The following COL24A1 variants were observed in gnomAD, a reference collection of about 807,000 sequenced individuals.
The protein encoded by COL24A1 is collagen alpha-1(XXIV) chain.
A neutral mutation model predicts 253.9 loss-of-function variants in COL24A1; 224 were observed. The ratio of observed to expected loss-of-function variants is 0.88; its 90% CI spans 0.79 to 0.99. The LOEUF is 0.99. Ranked by LOEUF, COL24A1 falls within the 50% of genes least tolerant of loss-of-function variation. The pLI is 0.00. For missense variants in COL24A1, 2,131 were observed against 2,068.5 expected, an observed-to-expected ratio of 1.03 and a Z score of -0.59; for synonymous variants, 685 against 673.7, an observed-to-expected ratio of 1.02 and a Z score of -0.26.
chr1:85,730,516 C>G lies in COL24A1; in HGVS notation c.*30G>C, dbSNP rs768296447. The G allele has an allele frequency of 2.5e-6, 4 of 1,608,514 alleles. No homozygotes were observed. The South Asian group carries it at 4.4e-5, about 18-fold the overall frequency. Reference sequence around the variant, plus strand: ...CCCTCTGCAGCAATTACCTGGCCAACAGCCTGAATTCGGAACTAATTCAGA... The same window carrying G: ...CCCTCTGCAGCAATTACCTGGCCAAGAGCCTGAATTCGGAACTAATTCAGA... On this transcript the variant is annotated 3_prime_UTR_variant, in exon 60 of 60. Coordinates refer to ENST00000370571, the MANE Select transcript of COL24A1 (RefSeq NM_152890.7).
chr1:85,781,283 T>A lies in COL24A1; in HGVS notation c.4285-10A>T. The A allele has an allele frequency of 6.3e-7, 1 of 1,587,136 alleles. No homozygotes were observed. ...GGGGACCAGTGTTTCCCTGTTGAGGTAAAAGAAAAACAGTCTCACTGTTAG... is the reference window on the plus strand; with the variant it reads ...GGGGACCAGTGTTTCCCTGTTGAGGAAAAAGAAAAACAGTCTCACTGTTAG... On this transcript the variant is annotated splice_polypyrimidine_tract_variant and intron_variant, in intron 51 of 59. Coordinates refer to ENST00000370571, the MANE Select transcript of COL24A1 (RefSeq NM_152890.7).
intron 39 of COL24A1, among the ~76,000 whole-genome samples, chr1:85,844,624 T>A (rs1027080877): frequency 9.2e-5 from 14 of 151,376 alleles, no homozygotes; most frequent in Non-Finnish European, 2.1e-4. Context: ...CCGCAAAGAG[T>A]AAACACGATA....
intron 59 of COL24A1, among the ~76,000 whole-genome samples, chr1:85,734,046 G>A (rs751401269): frequency 6.0e-5 from 9 of 151,194 alleles, no homozygotes; most frequent in Non-Finnish European, 1.2e-4. Context: ...GGGATCACAG[G>A]TACCTGCCAC....
chr1:86,043,177 T>C (rs1429870174), intron 12 of COL24A1, among the ~76,000 whole-genome samples: 2 of 152,168 alleles, frequency 1.3e-5, no homozygotes. Flanking sequence ...AAATATCTAC[T>C]ATTGTTCTAT....
rs192556414 is a variant in COL24A1 at position 85,879,770 on chromosome 1, T to C, written c.2977-2595A>G. Among the ~76,000 whole-genome samples, 417 of 152,290 alleles carry C rather than the reference T, an allele frequency of 2.7e-3. 2 individuals carry two copies. The highest frequency in any genetic ancestry group is 9.5e-3 in the African/African-American group (396 of 41,566). ...CTCATTGTCTCCATGCTGAGTAGGC[T>C]GAGGAGGTGGAAGAAGGGAAGGGGT... On this transcript the variant is annotated intron_variant, in intron 32 of 59. Transcript: ENST00000370571.
rs55797625 is a variant in COL24A1 at position 86,125,761 on chromosome 1, G to C, written c.575C>G (p.Pro192Arg). ...GKKYFSTETI[P>R]EVQTFDSNSV... Reference sequence around the variant, plus strand: ...ATTAGAATCAAAGGTCTGAACTTCTGGAATAGTCTCTGTGCTAAAATATTT... The same window carrying C: ...ATTAGAATCAAAGGTCTGAACTTCTCGAATAGTCTCTGTGCTAAAATATTT... Residue 192 changes from proline to arginine, a missense_variant, in exon 3 of 60, where the codon CCA becomes CGA. Coordinates refer to ENST00000370571, the MANE Select transcript of COL24A1 (RefSeq NM_152890.7). The C allele has an allele frequency of 1.2e-6, 2 of 1,611,808 alleles. No individual in the cohort carries two copies. Among genetic ancestry groups the C allele is most frequent in the Non-Finnish European group, 1.7e-6 (2 of 1,179,236 alleles).
intron 24 of COL24A1, among the ~76,000 whole-genome samples, chr1:85,919,363 G>A (rs1686220690): frequency 6.6e-6 from 1 of 152,134 alleles, no homozygotes; most frequent in Non-Finnish European, 1.5e-5. Flanking sequence ...ATGACCCTAA[G>A]AGATAGATGG....
At position 86,131,382 on chromosome 1, in the gene COL24A1, C is replaced by G. The variant is rs558045508; in HGVS notation, c.122-5168G>C. 2.8e-3 allele frequency among the ~76,000 whole-genome samples: 421 copies of G among 151,806 alleles called. 2 individuals carry two copies. The highest frequency in any genetic ancestry group is 9.7e-3 in the African/African-American group (400 of 41,410). On this transcript the variant is annotated intron_variant, in intron 2 of 59. Transcript: ENST00000370571. ...TTTGGTTTTCTTTTTTATATATATA[C>G]TTTAAGTTTTAGGGTACATGTGCAC...
chr1:86,032,167 T>C (rs1698626559), intron 13 of COL24A1, among the ~76,000 whole-genome samples: 1 of 152,186 alleles, frequency 6.6e-6, no homozygotes. Flanking sequence ...CCACCTAGCT[T>C]AAGCAGAGTC....
chr1:85,956,322 C>T (rs1221249755), intron 24 of COL24A1, among the ~76,000 whole-genome samples: 2 of 152,054 alleles, frequency 1.3e-5, no homozygotes, highest in Non-Finnish European at 2.9e-5. Context: ...CGTTATAACC[C>T]AGCTCAGAAT....
chr1:85,874,484 C>G (rs918787426), intron 35 of COL24A1, among the ~76,000 whole-genome samples, 165 bp downstream of exon 35: 1 of 152,144 alleles, frequency 6.6e-6, no homozygotes, highest in African/African-American at 2.4e-5. Context: ...AGAATAGGGA[C>G]AAGGTTTGGG....
chr1:86,104,840 C>T (rs1435590681), intron 5 of COL24A1, among the ~76,000 whole-genome samples: 1 of 152,216 alleles, frequency 6.6e-6, no homozygotes, highest in African/African-American at 2.4e-5. Context: ...GCAGTGGGAT[C>T]TGTCCTTGTT....
intron 31 of COL24A1, among the ~76,000 whole-genome samples, chr1:85,890,556 C>G (rs1683012494): frequency 6.6e-6 from 1 of 151,848 alleles, no homozygotes; most frequent in Non-Finnish European, 1.5e-5. Flanking sequence ...GGAGAAATGT[C>G]TATTCAAGTC....
At chr1:85,831,032 T>A (rs1435962652) in intron 43 of COL24A1, among the ~76,000 whole-genome samples, 3 of 152,132 alleles carry the variant, frequency 2.0e-5, no homozygotes, top group Admixed American at 2.0e-4. Flanking sequence ...AAGTTTCAAC[T>A]TCCCGATAAA....
intron 28 of COL24A1, among the ~76,000 whole-genome samples, chr1:85,899,772 TAA>T (rs1318085405): frequency 5.3e-5 from 8 of 152,158 alleles, no homozygotes; most frequent in Non-Finnish European, 1.2e-4. Flanking sequence ...GTCTCATAAT[TAA>T]TTGCCAGTTT....
At position 85,811,903 on chromosome 1, in the gene COL24A1, C is replaced by T. The variant is rs2101887369; in HGVS notation, c.3951+4885G>A. Among the ~76,000 whole-genome samples, 3 of 152,312 alleles carry T rather than the reference C, an allele frequency of 2.0e-5. No individual in the cohort carries two copies. The South Asian group carries it at 6.2e-4, about 32-fold the overall frequency. ...CATGACTGAGAAACTCTAATTATAT[C>T]AGAAGGCTCTGTAGCTGGTAGAGAT... On this transcript the variant is annotated intron_variant, in intron 47 of 59. Coordinates refer to ENST00000370571, the MANE Select transcript of COL24A1 (RefSeq NM_152890.7).
intron 10 of COL24A1, among the ~76,000 whole-genome samples, chr1:86,052,643 T>C (rs1169673932): frequency 1.3e-5 from 2 of 152,042 alleles, no homozygotes; most frequent in Non-Finnish European, 2.9e-5. Context: ...AAAAAGTTTT[T>C]AAGATGGATG....
At chr1:85,803,550 C>A (rs752792200) in intron 47 of COL24A1, among the ~76,000 whole-genome samples, 1 of 151,014 alleles carries the variant, frequency 6.6e-6, no homozygotes, top group Admixed American at 6.6e-5. Flanking sequence ...TAATTTCCCT[C>A]AGCAATGTTT....
At chr1:86,122,248 C>T (rs1358421878) in intron 3 of COL24A1, among the ~76,000 whole-genome samples, 3 of 151,966 alleles carry the variant, frequency 2.0e-5, no homozygotes, top group Admixed American at 1.3e-4. Flanking sequence ...TCTCAAAAGT[C>T]TCTTCTTTGG....
Sources: gnomAD v4.1 joint callset for allele counts (sites outside exome capture counted in the v4.1 genomes callset) on GRCh38, gnomAD v4.1.1 for gene constraint, MANE v1.5 for transcripts, NCBI Gene and HGNC (gene_info 2026-07-23, HGNC 2026-07-21) for gene names.